PCAT7: variants seen among roughly 807,000 people sequenced by gnomAD.
PCAT7 encodes prostate cancer associated transcript 7 (non-protein coding).
chr9:94,562,127 T>G (rs376241248), intron 2 of PCAT7, among the ~76,000 whole-genome samples: 159 of 151,846 alleles, frequency 1.0e-3, no homozygotes, highest in Non-Finnish European at 1.5e-3. Flanking sequence ...CTGGCTAACA[T>G]GGTGAAACCC....
chr9:94,560,029 G>A (rs1827073763), intron 2 of PCAT7, among the ~76,000 whole-genome samples: 1 of 152,206 alleles, frequency 6.6e-6, no homozygotes, highest in Non-Finnish European at 1.5e-5. Context: ...GGAAGCTGAA[G>A]TGGGAGGATC....
intron 1 of PCAT7, chr9:94,558,862 T>C: frequency 2.2e-6 from 3 of 1,356,506 alleles, no homozygotes; most frequent in South Asian, 1.2e-5. Context: ...ATAGCTACCA[T>C]CTCTGTTTAT....
chr9:94,561,950 A>T (rs1564179070), intron 2 of PCAT7, among the ~76,000 whole-genome samples: 1 of 152,134 alleles, frequency 6.6e-6, no homozygotes, highest in Non-Finnish European at 1.5e-5. Flanking sequence ...CATTTGAATA[A>T]TTAGTAATAA....
Position 94,567,519 on chromosome 9 carries a change from G to T in PCAT7, n.442-5460G>T, listed in dbSNP as rs1234620929. The T allele has an allele frequency of 3.0e-6, 4 of 1,327,868 alleles. No homozygotes were observed. The African/African-American group carries it at 4.4e-5, about 15-fold the overall frequency. 82.3% of individuals were successfully genotyped at this position (1,327,868 alleles called of 1,614,324 possible). On this transcript the variant is annotated intron_variant and non_coding_transcript_variant, in intron 2 of 8. Transcript: ENST00000647389. ...ATGGGGGCCTGCTGGCAGAGCTGGG[G>T]CTTGGCTGTGGTCACTCTGAACCTG... is the stretch of plus-strand genomic sequence containing the variant.
At chr9:94,563,407 G>C (rs181560220) in intron 2 of PCAT7, 22 of 1,613,998 alleles carry the variant, frequency 1.4e-5, no homozygotes, top group Admixed American at 5.0e-5. Context: ...AGGGTGCGGT[G>C]CACGTCAGCC....
chr9:94,561,649 G>A (rs915567893), intron 2 of PCAT7, among the ~76,000 whole-genome samples: 2 of 152,144 alleles, frequency 1.3e-5, no homozygotes, highest in Admixed American at 6.5e-5. Flanking sequence ...ACAGGCGTGA[G>A]CCACCGCAGC....
chr9:94,566,052 T>G (rs903034524), intron 2 of PCAT7, among the ~76,000 whole-genome samples: 2 of 152,254 alleles, frequency 1.3e-5, no homozygotes, highest in African/African-American at 4.8e-5. Context: ...CTCCACCACA[T>G]GAATGCTCCT....
exon 1 of PCAT7, chr9:94,555,296 A>G (rs1587832005): frequency 6.6e-6 from 1 of 152,080 alleles, no homozygotes; most frequent in Non-Finnish European, 1.5e-5. Context: ...TGGACATTGC[A>G]GCGCGGCTGG....
At chr9:94,559,097 G>T (rs1368541126) in exon 2 of PCAT7, 1 of 1,613,872 alleles carries the variant, frequency 6.2e-7, no homozygotes, top group Non-Finnish European at 8.5e-7. Context: ...GCTCAATGAT[G>T]TAGGCCACGG....
intron 2 of PCAT7, among the ~76,000 whole-genome samples, chr9:94,559,588 C>G (rs1469803181): frequency 6.6e-6 from 1 of 151,628 alleles, no homozygotes; most frequent in African/African-American, 2.4e-5. Flanking sequence ...TGGGGACAGC[C>G]ACAGTGGCTG....
chr9:94,554,827 C>T (rs1441583730), upstream of PCAT7, among the ~76,000 whole-genome samples: 1 of 152,176 alleles, frequency 6.6e-6, no homozygotes, highest in Admixed American at 6.5e-5. Flanking sequence ...AGTGACGGAG[C>T]CTTCCAGTTC....
intron 1 of PCAT7, chr9:94,558,794 A>G (rs1827047292): frequency 4.0e-6 from 3 of 741,320 alleles, no homozygotes; most frequent in South Asian, 3.3e-5. Context: ...AACCTGTCGT[A>G]AGCAGTTTGT....
At chr9:94,558,459 T>TTTCTCTGC (rs1827040955) in intron 1 of PCAT7, among the ~76,000 whole-genome samples, 1 of 152,100 alleles carries the variant, frequency 6.6e-6, no homozygotes, top group East Asian at 1.9e-4. Context: ...CACGCCCGGC[T>TTTCTCTGC]AATTTTTGTA....
intron 1 of PCAT7, among the ~76,000 whole-genome samples, chr9:94,557,628 C>T (rs1198379000): frequency 6.6e-6 from 1 of 152,250 alleles, no homozygotes; most frequent in Admixed American, 6.5e-5. Flanking sequence ...AGCCTTGCTT[C>T]CTCCAGGGCC....
chr9:94,558,884 G>A, intron 1 of PCAT7: 3 of 1,514,234 alleles, frequency 2.0e-6, no homozygotes, highest in South Asian at 2.3e-5. Flanking sequence ...GTTCATTTAG[G>A]GTCCTTAGAC....
At chr9:94,573,999 G>A (rs926976647) in intron 3 of PCAT7, among the ~76,000 whole-genome samples, 2 of 152,162 alleles carry the variant, frequency 1.3e-5, no homozygotes, top group African/African-American at 2.4e-5. Flanking sequence ...GCCATTCAAA[G>A]TATCTATTTT....
intron 2 of PCAT7, chr9:94,571,669 C>T: frequency 6.9e-7 from 1 of 1,442,148 alleles, no homozygotes; most frequent in East Asian, 2.4e-5. Context: ...TGCCAGGGGC[C>T]TGGGCTTCAG....
chr9:94,560,260 G>A (rs1827077091), intron 2 of PCAT7, among the ~76,000 whole-genome samples: 1 of 152,234 alleles, frequency 6.6e-6, no homozygotes, highest in East Asian at 1.9e-4. Flanking sequence ...CTGTTCAGAG[G>A]AAGGAAGGCC....
chr9:94,568,682 CTG>C (rs1396078497), intron 2 of PCAT7: 2 of 152,218 alleles, frequency 1.3e-5, no homozygotes, highest in Non-Finnish European at 2.9e-5. Flanking sequence ...AGAGGTGACA[CTG>C]TCCCTGTCAG....
Sources: gnomAD v4.1 joint callset for allele counts (sites outside exome capture counted in the v4.1 genomes callset) on GRCh38, gnomAD v4.1.1 for gene constraint, MANE v1.5 for transcripts, NCBI Gene and HGNC (gene_info 2026-07-23, HGNC 2026-07-21) for gene names.